The following WDR25 variants were observed in gnomAD, a reference collection of about 807,000 sequenced individuals.
WDR25 encodes WD repeat domain 25.
In WDR25, 35 loss-of-function variants were observed where a neutral mutation model predicts 47.7. That is an observed-to-expected ratio of 0.73 (90% CI 0.56 to 0.97). The LOEUF (loss-of-function observed/expected upper bound fraction) is 0.97, where lower values mean the gene tolerates loss of function less well. Ranked by LOEUF, WDR25 falls within the 50% of genes least tolerant of loss-of-function variation. WDR25 has a pLI of 0.00. For missense variants in WDR25, 634 were observed against 704.7 expected (o/e 0.90, Z 1.14); for synonymous variants, 248 against 278.9 (o/e 0.89, Z 1.10).
intron 2 of WDR25, among the ~76,000 whole-genome samples, chr14:100,398,413 A>T (rs1387493941): frequency 6.6e-6 from 1 of 152,152 alleles, no homozygotes; most frequent in Non-Finnish European, 1.5e-5. Flanking sequence ...TTGGTTTTAT[A>T]TGAAAAAGAT....
intron 2 of WDR25, among the ~76,000 whole-genome samples, chr14:100,460,686 G>C (rs919878585): frequency 6.6e-6 from 1 of 151,962 alleles, no homozygotes; most frequent in African/African-American, 2.4e-5. Context: ...AGAAATAGAA[G>C]AGAACTCCTT....
chr14:100,411,029 C>T (rs1036757889), intron 2 of WDR25, among the ~76,000 whole-genome samples: 11 of 152,172 alleles, frequency 7.2e-5, no homozygotes, highest in African/African-American at 2.2e-4. Context: ...GCAATCCGCC[C>T]GCCTCAGCCT....
chr14:100,398,011 G>A (rs1268381803), intron 2 of WDR25, among the ~76,000 whole-genome samples: 1 of 152,136 alleles, frequency 6.6e-6, no homozygotes, highest in Non-Finnish European at 1.5e-5. Flanking sequence ...GCTAATTTTT[G>A]TATTTTTGGT....
In WDR25 at chr14:100,489,577, C is replaced by T. The variant is rs114692382; in HGVS notation, c.1101+5453C>T. 9.7e-3 allele frequency among the ~76,000 whole-genome samples: 1,470 copies of T among 152,318 alleles called. 19 individuals carry two copies. The highest frequency in any genetic ancestry group is 0.033 in the African/African-American group (1,380 of 41,560). ...GGACTACATTATGGAACCCCAACCT[C>T]AGCAAATTACCTCTCAGTTAAGGCA... On this transcript the variant is annotated intron_variant, in intron 4 of 6. Coordinates refer to ENST00000402312, the MANE Select transcript of WDR25 (RefSeq NM_001161476.3).
chr14:100,381,152 T>TC lies in WDR25; in HGVS notation c.229dup (p.Arg77ProfsTer59). ...GCTCCTGTGAAGACCCAGGGGGCTA[T>TC]CGCCTTCCATTGGCTCAGCTTGGGA... is the stretch of plus-strand genomic sequence containing the variant. On this transcript the variant is annotated frameshift_variant, in exon 2 of 7. Transcript: ENST00000402312. LOFTEE classifies it high-confidence loss of function. 6.2e-7 allele frequency: 1 copy of TC among 1,614,210 alleles called. No individual in the cohort carries two copies. The highest frequency in any genetic ancestry group is 8.5e-7 in the Non-Finnish European group (1 of 1,180,040).
At chr14:100,386,156 A>T (rs910153114) in intron 2 of WDR25, among the ~76,000 whole-genome samples, 4 of 152,276 alleles carry the variant, frequency 2.6e-5, no homozygotes, top group African/African-American at 9.6e-5. Context: ...TTTGAAAAAA[A>T]ACCTTTTAAT....
chr14:100,494,118 C>T lies in WDR25; in HGVS notation c.1101+9994C>T, dbSNP rs991116144. ...CTCTCTCCCAGGCTGGAATGCAATG[C>T]TGTGATCACAGCTTACTGCAGCCTC... On this transcript the variant is annotated intron_variant, in intron 4 of 6. Transcript: ENST00000402312. Among the ~76,000 whole-genome samples the T allele has an allele frequency of 2.0e-5, 3 of 152,332 alleles. No individual in the cohort carries two copies. The East Asian group carries it at 5.8e-4, about 29-fold the overall frequency.
intron 2 of WDR25, among the ~76,000 whole-genome samples, chr14:100,409,422 C>A (rs1484295204): frequency 2.7e-5 from 4 of 149,932 alleles, no homozygotes; most frequent in Non-Finnish European, 5.9e-5. Context: ...CAGAGGACCC[C>A]CCCCCACCCA....
chr14:100,436,108 G>A (rs1415897864), intron 2 of WDR25, among the ~76,000 whole-genome samples: 2 of 152,216 alleles, frequency 1.3e-5, no homozygotes, highest in Admixed American at 1.3e-4. Context: ...TCTCAGCTCT[G>A]CTGTTGACTA....
At chr14:100,465,182 A>T (rs1442302031) in intron 2 of WDR25, among the ~76,000 whole-genome samples, 5 of 149,570 alleles carry the variant, frequency 3.3e-5, no homozygotes, top group African/African-American at 7.4e-5. Flanking sequence ...GTGTGTGTGT[A>T]TTTTTAAAAA....
rs556255237 is a variant in WDR25 at position 100,467,153 on chromosome 14, G to A, written c.823-868G>A. 6.6e-5 allele frequency among the ~76,000 whole-genome samples: 10 copies of A among 152,320 alleles called. No individual in the cohort carries two copies. In the South Asian group the frequency reaches 1.5e-3, roughly 22 times the overall value. On this transcript the variant is annotated intron_variant, in intron 2 of 6. Transcript: ENST00000402312. The stretch of plus-strand genomic sequence containing the variant: ...CCAACAAAAGGACAGCTGCCCCTAC[G>A]GCAGATATTTGTACTTTGACTGGTT...
intron 3 of WDR25, among the ~76,000 whole-genome samples, chr14:100,470,163 G>A (rs946692455): frequency 6.6e-6 from 1 of 152,222 alleles, no homozygotes; most frequent in African/African-American, 2.4e-5. Flanking sequence ...GGTTGATGAG[G>A]AGGAAAGTAG....
intron 2 of WDR25, chr14:100,454,909 G>C (rs945239328): frequency 6.3e-6 from 1 of 158,234 alleles, no homozygotes; most frequent in African/African-American, 2.4e-5. Context: ...AGTAGAGCCA[G>C]GTTAGCTGCG....
intron 2 of WDR25, among the ~76,000 whole-genome samples, chr14:100,439,385 A>G (rs1248364116): frequency 6.6e-6 from 1 of 152,204 alleles, no homozygotes; most frequent in Non-Finnish European, 1.5e-5. Flanking sequence ...GACTCATCTG[A>G]TGGCATTTTG....
intron 4 of WDR25, among the ~76,000 whole-genome samples, chr14:100,489,893 A>G (rs1349765750): frequency 1.3e-5 from 2 of 152,214 alleles, no homozygotes; most frequent in African/African-American, 4.8e-5. Flanking sequence ...CAGCTCTGAC[A>G]GGCCAGCTCA....
intron 4 of WDR25, among the ~76,000 whole-genome samples, chr14:100,486,304 A>C (rs1900381006): frequency 1.3e-5 from 2 of 152,008 alleles, no homozygotes; most frequent in African/African-American, 4.8e-5. Flanking sequence ...AAAATACCGG[A>C]TTTTTTCCCA....
intron 5 of WDR25, among the ~76,000 whole-genome samples, chr14:100,526,633 C>G (rs2030153006): frequency 6.6e-6 from 1 of 152,080 alleles, no homozygotes; most frequent in South Asian, 2.1e-4. Flanking sequence ...TGTGCTTTAA[C>G]TGTCATTACC....
At chr14:100,390,708 T>G (rs1269550137) in intron 2 of WDR25, among the ~76,000 whole-genome samples, 2 of 152,174 alleles carry the variant, frequency 1.3e-5, no homozygotes. Context: ...GTTTTCTCAC[T>G]GTCCGGCACA....
chr14:100,484,983 A>G (rs562676163), intron 4 of WDR25, among the ~76,000 whole-genome samples: 1 of 152,278 alleles, frequency 6.6e-6, no homozygotes, highest in Non-Finnish European at 1.5e-5. Flanking sequence ...TTACAGTAAA[A>G]GCCAATGTCT....
Sources: allele counts gnomAD v4.1 joint callset (sites outside exome capture counted in the v4.1 genomes callset), GRCh38; gene constraint gnomAD v4.1.1; transcripts MANE v1.5; gene names NCBI Gene and HGNC (gene_info 2026-07-23, HGNC 2026-07-21).